Variants in SCHIP1 observed in about 807,000 individuals in gnomAD.
SCHIP1 encodes schwannomin interacting protein 1, also known as schwannomin-interacting protein 1.
Under a neutral mutation model 29.7 loss-of-function variants are expected in SCHIP1, and 8 were observed. The ratio of observed to expected loss-of-function variants is 0.27; its 90% confidence interval spans 0.16 to 0.49. The LOEUF (loss-of-function observed/expected upper bound fraction) is 0.49, where lower values mean the gene tolerates loss of function less well. Ranked by LOEUF, SCHIP1 falls within the 20% of genes least tolerant of loss-of-function variation. The probability of loss-of-function intolerance (pLI) is 0.99; values close to 1 mark genes in which losing one functional copy is unlikely to be tolerated. For missense variants in SCHIP1, 193 were observed against 294.6 expected (o/e 0.66, Z 2.52); for synonymous variants, 76 against 94.9 (o/e 0.80, Z 1.16).
chr3:159,399,111 G>C, the SCHIP1 span: 1 of 186,862 alleles, frequency 5.4e-6, no homozygotes. Context: ...TGGAGGCCTT[G>C]TCAGTGGCTG....
the SCHIP1 span, among the ~76,000 whole-genome samples, chr3:159,354,780 TAAGA>T: frequency 0.011 from 1,682 of 152,272 alleles, 18 homozygotes; most frequent in South Asian, 0.032. Flanking sequence ...TAGCTACTTA[TAAGA>T]AAGAAACATA....
At chr3:159,670,956 G>C in the SCHIP1 span, among the ~76,000 whole-genome samples, 1 of 152,068 alleles carries the variant, frequency 6.6e-6, no homozygotes, top group Non-Finnish European at 1.5e-5. Flanking sequence ...TGAAAATGTA[G>C]GACCCTTGTT....
At chr3:159,745,106 T>C in the SCHIP1 span, among the ~76,000 whole-genome samples, 1 of 152,326 alleles carries the variant, frequency 6.6e-6, no homozygotes, top group East Asian at 1.9e-4. Flanking sequence ...AACAGGCCTG[T>C]TCATTACACT....
At chr3:159,281,053 T>C in the SCHIP1 span, among the ~76,000 whole-genome samples, 1 of 152,182 alleles carries the variant, frequency 6.6e-6, no homozygotes, top group African/African-American at 2.4e-5. Context: ...GTTTGGGTGC[T>C]TGGATGGACC....
At chr3:159,357,857 C>T in the SCHIP1 span, among the ~76,000 whole-genome samples, 1 of 152,120 alleles carries the variant, frequency 6.6e-6, no homozygotes, top group African/African-American at 2.4e-5. Context: ...TCTAGCAGGA[C>T]TACAAGATAT....
At chr3:159,566,425 G>A in the SCHIP1 span, among the ~76,000 whole-genome samples, 1 of 152,062 alleles carries the variant, frequency 6.6e-6, no homozygotes. Flanking sequence ...CCAAAACCCT[G>A]CCTTTATGAG....
At chr3:159,395,155 C>T in the SCHIP1 span, among the ~76,000 whole-genome samples, 51 of 152,086 alleles carry the variant, frequency 3.4e-4, no homozygotes, top group African/African-American at 4.3e-4. Flanking sequence ...TCTGTGGGAT[C>T]GGTGGTGATA....
the SCHIP1 span, among the ~76,000 whole-genome samples, chr3:159,780,869 C>T: frequency 1.3e-5 from 2 of 152,198 alleles, no homozygotes; most frequent in Admixed American, 6.5e-5. Flanking sequence ...GAAATGTCAG[C>T]GTCTAGCTGC....
the SCHIP1 span, among the ~76,000 whole-genome samples, chr3:159,403,151 T>A: frequency 6.6e-6 from 1 of 152,134 alleles, no homozygotes; most frequent in Non-Finnish European, 1.5e-5. Context: ...AAATAAAATG[T>A]AGGGATAATC....
At chr3:159,897,081 G>T in exon 7 of SCHIP1, 1 of 210,366 alleles carries the variant, frequency 4.8e-6, no homozygotes, top group Non-Finnish European at 9.5e-6. Context: ...ATTTTAAGTT[G>T]GAACAGTATT....
At chr3:159,744,216 T>G in the SCHIP1 span, among the ~76,000 whole-genome samples, 2,047 of 152,302 alleles carry the variant, frequency 0.013, 46 homozygotes, top group African/African-American at 0.047. Flanking sequence ...ACCTACATGT[T>G]TTTATATTTT....
At chr3:159,393,319 T>G in the SCHIP1 span, among the ~76,000 whole-genome samples, 2 of 152,188 alleles carry the variant, frequency 1.3e-5, no homozygotes, top group Admixed American at 6.5e-5. Context: ...TTAGTTTAAT[T>G]AGATCCCATT....
the SCHIP1 span, among the ~76,000 whole-genome samples, chr3:159,413,290 C>G: frequency 7.2e-5 from 11 of 152,168 alleles, no homozygotes; most frequent in African/African-American, 2.7e-4. Flanking sequence ...GAGAACAGAG[C>G]AAAATGAGGC....
chr3:159,420,920 ATTTG>A, the SCHIP1 span, among the ~76,000 whole-genome samples: 1 of 152,180 alleles, frequency 6.6e-6, no homozygotes, highest in Non-Finnish European at 1.5e-5. Flanking sequence ...ATAAGCAATT[ATTTG>A]TTTATGGATT....
the SCHIP1 span, among the ~76,000 whole-genome samples, chr3:159,607,472 T>C: frequency 6.6e-6 from 1 of 152,158 alleles, no homozygotes; most frequent in African/African-American, 2.4e-5. Context: ...CATTCAACTG[T>C]TTAAGCCTCT....
the SCHIP1 span, among the ~76,000 whole-genome samples, chr3:159,590,187 G>C: frequency 6.6e-6 from 1 of 152,176 alleles, no homozygotes; most frequent in East Asian, 1.9e-4. Context: ...TCAAGGCAAA[G>C]GTTCACCAGC....
chr3:159,633,464 A>C, the SCHIP1 span, among the ~76,000 whole-genome samples: 1 of 152,228 alleles, frequency 6.6e-6, no homozygotes, highest in African/African-American at 2.4e-5. Flanking sequence ...CATCTCAGTG[A>C]AATTGCAGAA....
chr3:159,516,869 A>G, the SCHIP1 span, among the ~76,000 whole-genome samples: 1 of 151,826 alleles, frequency 6.6e-6, no homozygotes, highest in Non-Finnish European at 1.5e-5. Context: ...TCCAAAATCC[A>G]CTCATCATTT....
chr3:159,361,977 T>C, the SCHIP1 span, among the ~76,000 whole-genome samples: 1 of 152,024 alleles, frequency 6.6e-6, no homozygotes. Context: ...ATATCTGGAG[T>C]TTGGAAGAGA....
Sources: allele counts gnomAD v4.1 joint callset (sites outside exome capture counted in the v4.1 genomes callset), GRCh38; gene constraint gnomAD v4.1.1; transcripts MANE v1.5; gene names NCBI Gene and HGNC (gene_info 2026-07-23, HGNC 2026-07-21).